The following NXPE2 variants were observed in gnomAD, a reference collection of about 807,000 sequenced individuals.
NXPE2 encodes NXPE family member 2.
A neutral mutation model predicts 34.4 loss-of-function variants in NXPE2; 34 were observed. The ratio of observed to expected loss-of-function variants is 0.99; its 90% CI spans 0.75 to 1.31. The LOEUF (loss-of-function observed/expected upper bound fraction) is 1.31, where lower values mean the gene tolerates loss of function less well. Ranked by LOEUF, NXPE2 falls within the 40% of genes most tolerant of loss-of-function variation. The probability of loss-of-function intolerance (pLI) is 0.00; values close to 1 mark genes in which losing one functional copy is unlikely to be tolerated. For missense variants in NXPE2, 649 were observed against 672.5 expected (o/e 0.97, Z 0.39); for synonymous variants, 235 against 231.3 (o/e 1.02, Z -0.15).
the NXPE2 span, among the ~76,000 whole-genome samples, chr11:114,749,366 G>A: frequency 2.0e-5 from 3 of 152,118 alleles, no homozygotes; most frequent in Non-Finnish European, 4.4e-5. Context: ...GCAGGGAACT[G>A]ATTCCAGGAC....
chr11:114,750,134 A>C, the NXPE2 span, among the ~76,000 whole-genome samples: 4 of 152,194 alleles, frequency 2.6e-5, no homozygotes, highest in Non-Finnish European at 5.9e-5. Context: ...CCACCTCCGC[A>C]TCAGGTACAG....
the NXPE2 span, chr11:114,571,130 G>C: frequency 6.2e-7 from 1 of 1,613,824 alleles, no homozygotes; most frequent in African/African-American, 1.3e-5. Context: ...CTGCATCATT[G>C]TACATCTCCC....
At chr11:114,654,371 A>T in the NXPE2 span, among the ~76,000 whole-genome samples, 157 of 152,126 alleles carry the variant, frequency 1.0e-3, no homozygotes, top group African/African-American at 3.7e-3. Context: ...TAAAAAAAAA[A>T]TGGGATACAC....
At chr11:114,691,315 G>A (rs560133182) in intron 2 of NXPE2, among the ~76,000 whole-genome samples, 2 of 151,834 alleles carry the variant, frequency 1.3e-5, no homozygotes, top group East Asian at 3.9e-4. Flanking sequence ...ATGATCAATT[G>A]GCTTTGTTTC....
At chr11:114,678,883 T>C (rs1950895065) in intron 1 of NXPE2, among the ~76,000 whole-genome samples, 1 of 151,306 alleles carries the variant, frequency 6.6e-6, no homozygotes, top group Non-Finnish European at 1.5e-5. Flanking sequence ...TATGCATTCA[T>C]GTGTCCTGAG....
At chr11:114,570,650 A>G in the NXPE2 span, 1 of 230,736 alleles carries the variant, frequency 4.3e-6, no homozygotes, top group East Asian at 9.1e-5. Context: ...CATGCATCAG[A>G]GAGAACTTTT....
At chr11:114,584,773 A>T in the NXPE2 span, 4 of 152,538 alleles carry the variant, frequency 2.6e-5, no homozygotes, top group African/African-American at 9.6e-5. Flanking sequence ...TATGTCTTCT[A>T]TTTCTCCAGG....
At chr11:114,640,731 T>C in the NXPE2 span, among the ~76,000 whole-genome samples, 1 of 152,156 alleles carries the variant, frequency 6.6e-6, no homozygotes, top group African/African-American at 2.4e-5. Flanking sequence ...TTTTTATATG[T>C]TTGTTGGTGT....
At chr11:114,493,839 CT>C in the NXPE2 span, among the ~76,000 whole-genome samples, 3 of 151,950 alleles carry the variant, frequency 2.0e-5, no homozygotes, top group Non-Finnish European at 4.4e-5. Flanking sequence ...CATTTACCCC[CT>C]TTTTTTTCCA....
the NXPE2 span, among the ~76,000 whole-genome samples, chr11:114,494,482 A>G: frequency 6.6e-6 from 1 of 152,058 alleles, no homozygotes; most frequent in African/African-American, 2.4e-5. Context: ...TTTTGCTACT[A>G]AGAGACTATG....
At chr11:114,543,131 G>A in the NXPE2 span, among the ~76,000 whole-genome samples, 8 of 151,482 alleles carry the variant, frequency 5.3e-5, no homozygotes, top group Non-Finnish European at 8.8e-5. Flanking sequence ...TGAGGCAGGC[G>A]GATCAGTTGA....
the NXPE2 span, among the ~76,000 whole-genome samples, chr11:114,759,408 G>T: frequency 6.6e-6 from 1 of 152,182 alleles, no homozygotes; most frequent in Admixed American, 6.5e-5. Context: ...CCTCTGGGGT[G>T]TTGTGAAGAT....
chr11:114,584,329 C>A, the NXPE2 span: 1 of 483,090 alleles, frequency 2.1e-6, no homozygotes, highest in East Asian at 6.0e-5. Flanking sequence ...TAATGAGTAC[C>A]TGGAGAAGAT....
At chr11:114,646,854 C>A in the NXPE2 span, among the ~76,000 whole-genome samples, 2 of 151,894 alleles carry the variant, frequency 1.3e-5, no homozygotes, top group Non-Finnish European at 2.9e-5. Flanking sequence ...CAATGTTTAT[C>A]CAAAAAACAA....
At chr11:114,466,165 T>G in the NXPE2 span, among the ~76,000 whole-genome samples, 37 of 152,300 alleles carry the variant, frequency 2.4e-4, no homozygotes, top group East Asian at 9.6e-4. Context: ...TTGAATAAAT[T>G]TATTTGTAGC....
chr11:114,476,835 CAAT>C, the NXPE2 span, among the ~76,000 whole-genome samples: 1 of 152,054 alleles, frequency 6.6e-6, no homozygotes, highest in African/African-American at 2.4e-5. Context: ...TAAACCATAT[CAAT>C]AGTGTGTGTG....
the NXPE2 span, among the ~76,000 whole-genome samples, chr11:114,488,253 T>C: frequency 2.6e-5 from 4 of 152,326 alleles, no homozygotes; most frequent in East Asian, 7.7e-4. Context: ...CCTAGGAATC[T>C]ATCAGTTACT....
chr11:114,789,612 C>T, the NXPE2 span, among the ~76,000 whole-genome samples: 1 of 152,082 alleles, frequency 6.6e-6, no homozygotes, highest in Non-Finnish European at 1.5e-5. Flanking sequence ...TATTTAAATG[C>T]TGAGATGGGT....
the NXPE2 span, among the ~76,000 whole-genome samples, chr11:114,578,878 C>G: frequency 1.3e-5 from 2 of 152,172 alleles, no homozygotes; most frequent in African/African-American, 4.8e-5. Flanking sequence ...ATAACAATTG[C>G]AATGGCTGTT....
Sources: gnomAD v4.1 joint callset for allele counts (sites outside exome capture counted in the v4.1 genomes callset) on GRCh38, gnomAD v4.1.1 for gene constraint, MANE v1.5 for transcripts, NCBI Gene and HGNC (gene_info 2026-07-23, HGNC 2026-07-21) for gene names.